Variants in CLEC17A observed in about 807,000 individuals in gnomAD.
CLEC17A encodes C-type lectin domain containing 17A.
In CLEC17A, 37 loss-of-function variants were observed where a neutral mutation model predicts 61.3. The observed-to-expected ratio is 0.60, with a 90% CI of 0.46 to 0.79. The LOEUF (loss-of-function observed/expected upper bound fraction) is 0.79, where lower values mean the gene tolerates loss of function less well. Among genes scored for constraint, CLEC17A ranks in the 30% least tolerant of loss-of-function variants. The pLI is 0.00. For synonymous variants in CLEC17A, 168 were observed against 164.9 expected, an observed-to-expected ratio of 1.02 and a Z score of -0.14; for missense variants, 418 against 464.7, an observed-to-expected ratio of 0.90 and a Z score of 0.92.
intron 2 of CLEC17A, among the ~76,000 whole-genome samples, chr19:14,585,516 T>C (rs1429708094): frequency 6.6e-6 from 1 of 151,956 alleles, no homozygotes; most frequent in African/African-American, 2.4e-5. Context: ...ATGTGATAAA[T>C]AGAATACTGT....
In CLEC17A at chr19:14,583,208, G is replaced by C. The variant is rs1251583337; in HGVS notation, c.43+5G>C. Reference sequence around the variant, plus strand: ...CTGGGTACCCGGACCCACCAGGTAAGGCCCCGGCCAGGCTGGGGCTGGGGC... The same window carrying C: ...CTGGGTACCCGGACCCACCAGGTAACGCCCCGGCCAGGCTGGGGCTGGGGC... On this transcript the variant is annotated splice_donor_5th_base_variant and intron_variant, in intron 1 of 13. Transcript: ENST00000417570. The C allele has an allele frequency of 6.2e-7, 1 of 1,613,952 alleles. No individual in the cohort carries two copies. The highest frequency in any genetic ancestry group is 2.2e-5 in the East Asian group (1 of 44,882).
At chr19:14,601,723 A>G (rs1010393838) in intron 12 of CLEC17A, among the ~76,000 whole-genome samples, 2 of 152,096 alleles carry the variant, frequency 1.3e-5, no homozygotes, top group Non-Finnish European at 2.9e-5. Flanking sequence ...GGCTCAAGCA[A>G]TTCTTTCGCC....
intron 3 of CLEC17A, among the ~76,000 whole-genome samples, chr19:14,590,667 G>A (rs781135226): frequency 4.4e-4 from 67 of 151,596 alleles, no homozygotes; most frequent in Non-Finnish European, 9.0e-4. Flanking sequence ...GATTACAGGC[G>A]TGAGCCACCA....
chr19:14,610,090 A>G lies in CLEC17A; in HGVS notation c.1031A>G (p.Asn344Ser). 6.2e-7 allele frequency: 1 copy of G among 1,613,312 alleles called. No individual in the cohort carries two copies. Among genetic ancestry groups the G allele is most frequent in the Non-Finnish European group, 8.5e-7 (1 of 1,179,652 alleles). Residue 344 changes from asparagine (N) to serine (S), a missense_variant, in exon 14 of 14, where the codon AAC becomes AGC. Asn to Ser is a conservative substitution (Grantham distance 46, BLOSUM62 1). Coordinates refer to ENST00000417570, the MANE Select transcript of CLEC17A (RefSeq NM_001204118.2). ...LSFWEPEEPN[N>S]IHDEDCATMN... ...TTCTGGGAGCCAGAGGAACCCAATA[A>G]CATCCACGATGAGGACTGTGCTACC...
chr19:14,582,402 C>T (rs183024904), upstream of CLEC17A, among the ~76,000 whole-genome samples: 8 of 151,606 alleles, frequency 5.3e-5, no homozygotes, highest in Admixed American at 1.3e-4. Context: ...TTAGTGGAGA[C>T]GGAGTTTCAC....
intron 13 of CLEC17A, among the ~76,000 whole-genome samples, chr19:14,609,235 C>T (rs114494100): frequency 0.039 from 5,882 of 152,268 alleles, 142 homozygotes; most frequent in South Asian, 0.069. Flanking sequence ...TAAGAGAAGC[C>T]TGGACCCCTT....
At chr19:14,595,174 C>A in intron 7 of CLEC17A, 100 bp from the exon 8 acceptor site, 1 of 1,358,162 alleles carries the variant, frequency 7.4e-7, no homozygotes, top group Non-Finnish European at 1.0e-6. Context: ...CCACAGCCAG[C>A]CCCCTAAATT....
intron 3 of CLEC17A, among the ~76,000 whole-genome samples, chr19:14,590,996 C>G (rs766550084): frequency 6.6e-6 from 1 of 151,910 alleles, no homozygotes; most frequent in South Asian, 2.1e-4. Flanking sequence ...CTGCGCCCAG[C>G]CTATTTCTGC....
At chr19:14,592,386 G>C (rs1323679421) in intron 4 of CLEC17A, 28 bp downstream of exon 4, 2 of 1,610,698 alleles carry the variant, frequency 1.2e-6, no homozygotes, top group Non-Finnish European at 1.7e-6. Context: ...AGTGTGACCT[G>C]GGGGAATACA....
chr19:14,583,777 G>C (rs1217315135), intron 2 of CLEC17A, among the ~76,000 whole-genome samples: 4 of 152,138 alleles, frequency 2.6e-5, no homozygotes, highest in Admixed American at 2.6e-4. Flanking sequence ...TAGGTGCAAA[G>C]TCTCTGAGTT....
intron 3 of CLEC17A, among the ~76,000 whole-genome samples, chr19:14,592,020 G>A (rs1294009126): frequency 6.6e-6 from 1 of 152,032 alleles, no homozygotes; most frequent in East Asian, 1.9e-4. Context: ...AGATGCCTTA[G>A]ACATCTGAGT....
intron 4 of CLEC17A, among the ~76,000 whole-genome samples, chr19:14,593,964 A>AAAACAAACAAACAAAC (rs542906170): frequency 6.8e-5 from 10 of 146,898 alleles, no homozygotes; most frequent in South Asian, 2.1e-4. Flanking sequence ...TCTGTCTCAT[A>AAAACAAACAAACAAAC]AAACAAACAA....
In CLEC17A at chr19:14,595,285, G is replaced by C; in HGVS notation, c.415G>C (p.Glu139Gln). The C allele has an allele frequency of 6.2e-7, 1 of 1,613,946 alleles. No individual in the cohort carries two copies. The highest frequency in any genetic ancestry group is 8.5e-7 in the Non-Finnish European group (1 of 1,179,848). ...CCCCTTTCTCCCAGCTGTGAATCTT[G>C]AGCCTTCTCCATTGCAGCCATCCCT... ...CPPPQLAVNL[E>Q]PSPLQPSLAA... is the part of the protein sequence containing the mutation. Residue 139 changes from glutamate to glutamine, a missense_variant, in exon 8 of 14, where the codon GAG (glutamate) becomes CAG (glutamine). Glu to Gln is a conservative substitution (Grantham distance 29, BLOSUM62 2). Transcript: ENST00000417570.
At chr19:14,585,422 T>C (rs1263882988) in intron 2 of CLEC17A, among the ~76,000 whole-genome samples, 1 of 152,248 alleles carries the variant, frequency 6.6e-6, no homozygotes, top group Non-Finnish European at 1.5e-5. Flanking sequence ...GTAGTCAGCC[T>C]TCAAGATGGG....
chr19:14,607,995 C>T (rs750520705), intron 13 of CLEC17A, among the ~76,000 whole-genome samples: 2 of 152,026 alleles, frequency 1.3e-5, no homozygotes, highest in Non-Finnish European at 2.9e-5. Context: ...CTCAGCCTCC[C>T]GAGTACCTGG....
rs533608133 is a variant in CLEC17A, at chr19:14,607,418, T to G, written c.1004+316T>G. 6.6e-5 allele frequency among the ~76,000 whole-genome samples: 10 copies of G among 151,728 alleles called. No homozygotes were observed. In the East Asian group the frequency reaches 1.6e-3, roughly 24 times the overall value. ...CGGGGTTTCACCGTGTTAGCCAGGA[T>G]GGTCTTGATCTCCTGACCTCGTGAT... On this transcript the variant is annotated intron_variant, in intron 13 of 13. Transcript: ENST00000417570.
chr19:14,599,618 A>G, intron 10 of CLEC17A, 99 bp from the exon 11 acceptor site: 1 of 844,690 alleles, frequency 1.2e-6, no homozygotes, highest in Non-Finnish European at 2.0e-6. Flanking sequence ...ACAGTGGGGA[A>G]CACAACCCTT....
rs184135933 is a variant in CLEC17A, at chr19:14,601,855, C to A, written c.894+1673C>A. On this transcript the variant is annotated intron_variant, in intron 12 of 13. Coordinates refer to ENST00000417570, the MANE Select transcript of CLEC17A (RefSeq NM_001204118.2). ...TCACCCAGGCTGGAGTGCAGTGGCG[C>A]GATCTCGGCTCACTGCAAGCTCTGA... Among the ~76,000 whole-genome samples the A allele has an allele frequency of 3.9e-5, 6 of 152,106 alleles. No individual in the cohort carries two copies. In the East Asian group the frequency reaches 1.2e-3, roughly 29 times the overall value.
At chr19:14,587,800 C>T in intron 3 of CLEC17A, 109 bp downstream of exon 3, 1 of 1,545,522 alleles carries the variant, frequency 6.5e-7, no homozygotes, top group Non-Finnish European at 8.7e-7. Context: ...CTACACAGCC[C>T]ATGCCGGGCA....
Sources: allele counts gnomAD v4.1 joint callset (sites outside exome capture counted in the v4.1 genomes callset), GRCh38; gene constraint gnomAD v4.1.1; transcripts MANE v1.5; gene names NCBI Gene and HGNC (gene_info 2026-07-23, HGNC 2026-07-21).